Variants in RB1CC1 observed in about 807,000 individuals in gnomAD.
The protein encoded by RB1CC1 is RB1 inducible coiled-coil 1, also known as RB1-inducible coiled-coil protein 1.
Under a neutral mutation model 177.5 loss-of-function variants are expected in RB1CC1, and 46 were observed. That is an observed-to-expected ratio of 0.26 (90% confidence interval 0.20 to 0.33). The LOEUF (loss-of-function observed/expected upper bound fraction) is 0.33, where lower values mean the gene tolerates loss of function less well. Ranked by LOEUF, RB1CC1 falls within the 10% of genes least tolerant of loss-of-function variation. The probability of loss-of-function intolerance (pLI) is 1.00; values close to 1 mark genes in which losing one functional copy is unlikely to be tolerated. For synonymous variants in RB1CC1, 666 were observed against 613.6 expected (o/e 1.09, Z -1.26); for missense variants, 1,703 against 1,816.3 (o/e 0.94, Z 1.13).
intron 6 of RB1CC1, among the ~76,000 whole-genome samples, 158 bp from the exon 7 acceptor site, chr8:52,674,432 A>C (rs1038355886): frequency 6.6e-6 from 1 of 152,192 alleles, no homozygotes; most frequent in African/African-American, 2.4e-5. Flanking sequence ...CTATTCACTA[A>C]AAGTCTAGTT....
chr8:52,636,213 A>G, intron 18 of RB1CC1, 144 bp from the exon 19 acceptor site: 1 of 888,180 alleles, frequency 1.1e-6, no homozygotes, highest in South Asian at 2.0e-5. Context: ...TTCAGTTAGC[A>G]TGTAATTTCA....
chr8:52,693,163 T>C (rs191118137), intron 1 of RB1CC1, among the ~76,000 whole-genome samples: 6 of 152,198 alleles, frequency 3.9e-5, no homozygotes, highest in Admixed American at 3.9e-4. Flanking sequence ...CCCAAAACTA[T>C]GAAACCCTAG....
intron 16 of RB1CC1, among the ~76,000 whole-genome samples, chr8:52,643,719 A>T (rs74770510): frequency 2.2e-5 from 3 of 135,068 alleles, no homozygotes; most frequent in African/African-American, 8.2e-5. Flanking sequence ...AAAAAAAAAA[A>T]TTTACTTACA....
At chr8:52,666,433 G>A (rs540992394) in intron 8 of RB1CC1, among the ~76,000 whole-genome samples, 35 of 151,828 alleles carry the variant, frequency 2.3e-4, no homozygotes, top group African/African-American at 7.0e-4. Flanking sequence ...CAAAAGAATC[G>A]CTTGCACCCA....
intron 2 of RB1CC1, among the ~76,000 whole-genome samples, 180 bp from the exon 3 acceptor site, chr8:52,685,700 T>A (rs947174818): frequency 5.9e-5 from 9 of 151,796 alleles, no homozygotes; most frequent in African/African-American, 1.5e-4. Flanking sequence ...AAAATAAAAA[T>A]AAATAGTAAT....
chr8:52,687,907 G>A (rs1854415580), intron 1 of RB1CC1, among the ~76,000 whole-genome samples: 1 of 152,206 alleles, frequency 6.6e-6, no homozygotes, highest in Admixed American at 6.5e-5. Context: ...GATATTAGGA[G>A]GATGTTGTTG....
intron 1 of RB1CC1, among the ~76,000 whole-genome samples, chr8:52,698,362 G>A (rs1004832531): frequency 6.6e-6 from 1 of 151,664 alleles, no homozygotes; most frequent in African/African-American, 2.4e-5. Context: ...TCGCTCTGTC[G>A]CCCAGGCTGG....
In RB1CC1 at chr8:52,630,530, TAAAA is replaced by T. The variant is rs57977265; in HGVS notation, c.4441-6_4441-3del. 1.4e-5 allele frequency: 19 copies of T among 1,407,336 alleles called. No homozygotes were observed. The highest frequency in any genetic ancestry group is 9.8e-5 in the South Asian group (7 of 71,490). 87.2% of individuals were successfully genotyped at this position (1,407,336 alleles called of 1,614,324 possible). Reference sequence around the variant, plus strand: ...TACTGAAGACATGCTCTGAGACATCTAAAAAAAAAAAAAAAGTTTATGAACTTAC... The same window carrying T: ...TACTGAAGACATGCTCTGAGACATCTAAAAAAAAAAAGTTTATGAACTTAC... On this transcript the variant is annotated splice_region_variant and splice_polypyrimidine_tract_variant and intron_variant, in intron 20 of 23. Coordinates refer to ENST00000025008, the MANE Select transcript of RB1CC1 (RefSeq NM_014781.5).
intron 11 of RB1CC1, 53 bp downstream of exon 11, chr8:52,660,873 A>G (rs1851554888): frequency 1.4e-6 from 2 of 1,467,490 alleles, no homozygotes; most frequent in African/African-American, 1.4e-5. Flanking sequence ...ATCCAAGCTT[A>G]TAAAAACTTT....
At chr8:52,661,476 G>C in intron 9 of RB1CC1, 59 bp downstream of exon 9, 4 of 1,496,976 alleles carry the variant, frequency 2.7e-6, no homozygotes, top group South Asian at 2.6e-5. Flanking sequence ...TCATTTGGGA[G>C]AAATAAATAT....
chr8:52,679,722 C>T (rs1853519600), intron 5 of RB1CC1, among the ~76,000 whole-genome samples: 1 of 152,164 alleles, frequency 6.6e-6, no homozygotes, highest in Non-Finnish European at 1.5e-5. Context: ...TTTAGGTTCA[C>T]ACCACTATTG....
intron 1 of RB1CC1, among the ~76,000 whole-genome samples, chr8:52,707,747 G>C (rs554736177): frequency 6.6e-6 from 1 of 152,106 alleles, no homozygotes; most frequent in African/African-American, 2.4e-5. Flanking sequence ...CACTCTCTTT[G>C]TCACCTCCGG....
chr8:52,676,608 GGCAATGGTTTGTTT>G (rs1853151400), intron 5 of RB1CC1, 37 bp from the exon 6 acceptor site: 1 of 1,559,436 alleles, frequency 6.4e-7, no homozygotes, highest in Non-Finnish European at 8.8e-7. Context: ...AGTAAAAGAA[GGCAATGGTTTGTTT>G]GCAGAAGTTT....
At chr8:52,642,968 A>G (rs773782703) in intron 16 of RB1CC1, 156 bp from the exon 17 acceptor site, 38 of 857,882 alleles carry the variant, frequency 4.4e-5, no homozygotes, top group Non-Finnish European at 5.9e-5. Context: ...AATGTAACAT[A>G]CTGTGGCAAA....
chr8:52,635,899 T>C (rs908470877), intron 19 of RB1CC1, 116 bp downstream of exon 19: 2 of 1,302,998 alleles, frequency 1.5e-6, no homozygotes, highest in East Asian at 5.2e-5. Flanking sequence ...AAGTTAATCA[T>C]AAAAAGGCTT....
Position 52,673,666 on chromosome 8 carries a change from A to T in RB1CC1, c.1002+179T>A, listed in dbSNP as rs184991670. Among the ~76,000 whole-genome samples, 827 of 152,310 alleles carry T rather than the reference A, an allele frequency of 5.4e-3. 7 individuals are homozygous for T. Among genetic ancestry groups the T allele is most frequent in the African/African-American group, 0.019 (795 of 41,572 alleles). On this transcript the variant is annotated intron_variant, in intron 7 of 23. Transcript: ENST00000025008. ...TCTCAAATAACCTTCACAAATTTAC[A>T]ATCAATTCATAAATAAAATTATGAA... is the stretch of plus-strand genomic sequence containing the variant.
chr8:52,645,943 A>G, intron 15 of RB1CC1, 76 bp from the exon 16 acceptor site: 4 of 1,355,162 alleles, frequency 3.0e-6, no homozygotes, highest in Non-Finnish European at 4.1e-6. Flanking sequence ...ATATTTGGGA[A>G]ATTTATCTTC....
At chr8:52,635,030 G>A in intron 19 of RB1CC1, 62 bp from the exon 20 acceptor site, 1 of 1,438,480 alleles carries the variant, frequency 7.0e-7, no homozygotes. Flanking sequence ...AATCTAAACA[G>A]TGATTGTCAA....
intron 18 of RB1CC1, among the ~76,000 whole-genome samples, chr8:52,639,054 T>C (rs560819989): frequency 6.6e-6 from 1 of 152,248 alleles, no homozygotes; most frequent in South Asian, 2.1e-4. Flanking sequence ...CAATTATTTT[T>C]ACACATTTTT....
Sources: gnomAD v4.1 joint callset for allele counts (sites outside exome capture counted in the v4.1 genomes callset) on GRCh38, gnomAD v4.1.1 for gene constraint, MANE v1.5 for transcripts, NCBI Gene and HGNC (gene_info 2026-07-23, HGNC 2026-07-21) for gene names.